PALM2AKAP2: variants seen among roughly 807,000 people sequenced by gnomAD.
PALM2AKAP2 encodes the protein PALM2 and AKAP2 fusion.
In PALM2AKAP2, 37 loss-of-function variants were observed where a neutral mutation model predicts 71.5. The ratio of observed to expected loss-of-function variants is 0.52; its 90% confidence interval spans 0.40 to 0.68. The LOEUF (loss-of-function observed/expected upper bound fraction) is 0.68. PALM2AKAP2 is among the 30% of genes least tolerant of loss of function. PALM2AKAP2 has a pLI of 0.00. For synonymous variants in PALM2AKAP2, 468 were observed against 478.8 expected (o/e 0.98, Z 0.29); for missense variants, 1,224 against 1,191.8 (o/e 1.03, Z -0.40).
chr9:110,144,059 A>G (rs1836102011), intron 2 of PALM2AKAP2, among the ~76,000 whole-genome samples: 1 of 152,228 alleles, frequency 6.6e-6, no homozygotes, highest in African/African-American at 2.4e-5. Flanking sequence ...CTTAGGAAAA[A>G]TATGTTTGCG....
chr9:110,138,427 G>C, exon 2 of PALM2AKAP2: 1 of 1,614,270 alleles, frequency 6.2e-7, no homozygotes, highest in African/African-American at 1.3e-5. Flanking sequence ...GAGCAGCTCA[G>C]GAAAGGGAAG....
intron 1 of PALM2AKAP2, among the ~76,000 whole-genome samples, chr9:110,105,931 G>A (rs1835109229): frequency 6.7e-6 from 1 of 150,164 alleles, no homozygotes; most frequent in Non-Finnish European, 1.5e-5. Flanking sequence ...AAGCAAGGCA[G>A]TCTAGGCTGT....
intron 7 of PALM2AKAP2, among the ~76,000 whole-genome samples, chr9:110,040,727 A>G (rs929213135): frequency 5.9e-5 from 9 of 152,246 alleles, no homozygotes; most frequent in Admixed American, 3.9e-4. Context: ...GAAGTTAAGC[A>G]CCACTGGAAA....
intron 1 of PALM2AKAP2, among the ~76,000 whole-genome samples, chr9:110,129,048 G>A (rs150695775): frequency 6.6e-6 from 1 of 152,316 alleles, no homozygotes; most frequent in East Asian, 1.9e-4. Context: ...ATGGACATGG[G>A]ATCTTAATAT....
At chr9:110,156,620 A>G (rs1374648484) in intron 3 of PALM2AKAP2, 123 bp downstream of exon 9, 2 of 1,299,016 alleles carry the variant, frequency 1.5e-6, no homozygotes, top group Non-Finnish European at 2.0e-6. Flanking sequence ...TTCCAGTATC[A>G]GTTTTCATAT....
intron 1 of PALM2AKAP2, among the ~76,000 whole-genome samples, chr9:109,678,037 G>A (rs1415731431): frequency 6.6e-6 from 1 of 152,220 alleles, no homozygotes; most frequent in Non-Finnish European, 1.5e-5. Flanking sequence ...CCTGAGCAAG[G>A]AGGGGGGAAA....
intron 6 of PALM2AKAP2, among the ~76,000 whole-genome samples, chr9:109,939,902 A>T (rs189805706): frequency 6.6e-6 from 1 of 152,224 alleles, no homozygotes; most frequent in South Asian, 2.1e-4. Flanking sequence ...AAAACCAAAC[A>T]TGGGATTTTG....
chr9:110,050,630 T>TTTTTC (rs1485979302), intron 1 of PALM2AKAP2, among the ~76,000 whole-genome samples: 3 of 150,596 alleles, frequency 2.0e-5, no homozygotes, highest in Non-Finnish European at 4.4e-5. Context: ...CTTTTCTTTT[T>TTTTTC]TTTTCTTTTC....
intron 1 of PALM2AKAP2, among the ~76,000 whole-genome samples, chr9:109,664,558 G>A (rs1432504819): frequency 6.6e-6 from 1 of 152,216 alleles, no homozygotes; most frequent in Non-Finnish European, 1.5e-5. Context: ...TAAGAGATCT[G>A]CTGTTAGTCT....
chr9:109,902,508 A>C (rs1329936064), intron 3 of PALM2AKAP2, among the ~76,000 whole-genome samples: 1 of 152,242 alleles, frequency 6.6e-6, no homozygotes, highest in East Asian at 1.9e-4. Context: ...CATCATTGTA[A>C]TGAAGTAAAA....
chr9:109,642,278 G>A lies in PALM2AKAP2; in HGVS notation c.5+1412G>A, dbSNP rs559341226. Among the ~76,000 whole-genome samples, 4 of 151,796 alleles carry A rather than the reference G, an allele frequency of 2.6e-5. No individual in the cohort carries two copies. In the South Asian group the frequency reaches 8.4e-4, roughly 32 times the overall value. ...GCCTCATTTTCCCCATCTGGAAAAT[G>A]GGAATAATAATAGTAACTATTTCAT... On this transcript the variant is annotated intron_variant, in intron 1 of 6. Coordinates refer to the PALM2AKAP2 transcript ENST00000374531.
chr9:109,731,950 C>G (rs2118661476), intron 1 of PALM2AKAP2, among the ~76,000 whole-genome samples: 1 of 152,266 alleles, frequency 6.6e-6, no homozygotes, highest in East Asian at 1.9e-4. Flanking sequence ...TGGATGGGGA[C>G]TGTGGATGGT....
intron 1 of PALM2AKAP2, among the ~76,000 whole-genome samples, chr9:110,077,610 G>C (rs1192327789): frequency 6.6e-6 from 1 of 152,188 alleles, no homozygotes; most frequent in Non-Finnish European, 1.5e-5. Context: ...TTACCTGGAA[G>C]TCCAATGCTG....
chr9:110,002,328 A>G (rs1259402524), intron 6 of PALM2AKAP2, among the ~76,000 whole-genome samples: 3 of 152,012 alleles, frequency 2.0e-5, no homozygotes, highest in East Asian at 1.9e-4. Context: ...ATTGACTTGC[A>G]TATGTTGAAC....
At chr9:109,872,183 C>A (rs911113776) in intron 2 of PALM2AKAP2, among the ~76,000 whole-genome samples, 4 of 152,040 alleles carry the variant, frequency 2.6e-5, no homozygotes, top group African/African-American at 9.7e-5. Flanking sequence ...AAGACAAGAA[C>A]TATCATTATT....
intron 1 of PALM2AKAP2, among the ~76,000 whole-genome samples, chr9:110,075,194 G>C (rs568470888): frequency 1.0e-3 from 159 of 152,182 alleles, no homozygotes; most frequent in Non-Finnish European, 2.0e-3. Context: ...TTTACCTGTA[G>C]TTCATCCCTA....
chr9:109,923,675 C>T, intron 3 of PALM2AKAP2, 60 bp from the exon 4 acceptor site: 3 of 1,509,464 alleles, frequency 2.0e-6, no homozygotes, highest in Non-Finnish European at 2.7e-6. Flanking sequence ...AGGAGCTGCT[C>T]TCTTGCCCGT....
intron 1 of PALM2AKAP2, among the ~76,000 whole-genome samples, chr9:109,709,706 T>G (rs1307193990): frequency 6.6e-6 from 1 of 152,100 alleles, no homozygotes; most frequent in African/African-American, 2.4e-5. Flanking sequence ...CCCAGACTGA[T>G]GGACACAGGC....
At chr9:109,802,964 A>T (rs1342535849) in intron 1 of PALM2AKAP2, among the ~76,000 whole-genome samples, 1 of 152,218 alleles carries the variant, frequency 6.6e-6, no homozygotes, top group Non-Finnish European at 1.5e-5. Flanking sequence ...TTTAACACAG[A>T]TGCCAGTCTC....
Sources: gnomAD v4.1 joint callset for allele counts (sites outside exome capture counted in the v4.1 genomes callset) on GRCh38, gnomAD v4.1.1 for gene constraint, MANE v1.5 for transcripts, NCBI Gene and HGNC (gene_info 2026-07-23, HGNC 2026-07-21) for gene names.